CHD2: variants seen among roughly 807,000 people sequenced by gnomAD.
The protein encoded by CHD2 is ATP-dependent chromatin remodeler CHD2.
A neutral mutation model predicts 243.9 loss-of-function variants in CHD2; 28 were observed. The ratio of observed to expected loss-of-function variants is 0.11; its 90% CI spans 0.09 to 0.16. The LOEUF (loss-of-function observed/expected upper bound fraction) is 0.16. Among genes scored for constraint, CHD2 ranks in the 10% least tolerant of loss-of-function variants. The pLI, the probability that CHD2 is intolerant of heterozygous loss-of-function variation, is 1.00. For missense variants in CHD2, 1,386 were observed against 2,209.8 expected, an observed-to-expected ratio of 0.63 and a Z score of 7.47; for synonymous variants, 775 against 779.0, an observed-to-expected ratio of 0.99 and a Z score of 0.09.
At chr15:93,008,241 C>T (rs1317176547) in intron 34 of CHD2, among the ~76,000 whole-genome samples, 3 of 152,218 alleles carry the variant, frequency 2.0e-5, no homozygotes, top group African/African-American at 2.4e-5. Context: ...TGACTGTGCT[C>T]ATGTGCTCAG....
chr15:92,923,009 A>G (rs1247695420), intron 2 of CHD2, among the ~76,000 whole-genome samples: 1 of 152,188 alleles, frequency 6.6e-6, no homozygotes, highest in African/African-American at 2.4e-5. Flanking sequence ...TGTGGAGGCC[A>G]GTAGCCGTCT....
chr15:92,901,664 A>G (rs547844966), intron 2 of CHD2: 1 of 377,896 alleles, frequency 2.6e-6, no homozygotes, highest in African/African-American at 2.1e-5. Context: ...GCACCATTTT[A>G]CATACAAGGC....
At chr15:93,022,274 TG>T (rs2054543200) in intron 38 of CHD2, 1 of 152,218 alleles carries the variant, frequency 6.6e-6, no homozygotes, top group Non-Finnish European at 1.5e-5. Flanking sequence ...AGGCGTCCCA[TG>T]GCAAGAGAGG....
rs1341175773 is a variant in CHD2 at position 92,904,855 on chromosome 15, A to T, written c.62+3556A>T. The T allele has an allele frequency of 3.3e-6, 5 of 1,525,856 alleles. No homozygotes were observed. The African/African-American group carries it at 6.9e-5, about 21-fold the overall frequency. 94.5% of individuals were successfully genotyped at this position (1,525,856 alleles called of 1,614,324 possible). ...CAAAACGTTTGAGTGTCAGAGGCGGATACTTTTATTTTAGTGAAAACCTCT... is the reference window on the plus strand; with the variant it reads ...CAAAACGTTTGAGTGTCAGAGGCGGTTACTTTTATTTTAGTGAAAACCTCT... On this transcript the variant is annotated intron_variant, in intron 2 of 38. Transcript: ENST00000394196.
chr15:93,026,176 C>T lies in CHD2; in HGVS notation c.*1471C>T, dbSNP rs2054585437. Reference sequence around the variant, plus strand: ...CAGTATTGTTAAGAGTATCCAAAGGCCTTTCTAGATGGAGACAGAATAACT... The same window carrying T: ...CAGTATTGTTAAGAGTATCCAAAGGTCTTTCTAGATGGAGACAGAATAACT... On this transcript the variant is annotated 3_prime_UTR_variant, in exon 39 of 39. Transcript: ENST00000394196. 6.6e-6 allele frequency: 1 copy of T among 152,582 alleles called. No homozygotes were observed. Among genetic ancestry groups the T allele is most frequent in the Non-Finnish European group, 1.5e-5 (1 of 68,038 alleles). 9.5% of individuals were successfully genotyped at this position (152,582 alleles called of 1,614,324 possible). A position where few individuals can be genotyped will look rare whatever the true frequency, so the allele number is the denominator to read the frequency against.
chr15:92,993,908 G>A (rs934943961), intron 28 of CHD2, among the ~76,000 whole-genome samples: 4 of 152,120 alleles, frequency 2.6e-5, no homozygotes, highest in South Asian at 2.1e-4. Flanking sequence ...AGATCATGCC[G>A]CTGCAGTGAG....
intron 28 of CHD2, among the ~76,000 whole-genome samples, chr15:92,994,833 G>T (rs1394013140): frequency 6.6e-6 from 1 of 151,346 alleles, no homozygotes; most frequent in Non-Finnish European, 1.5e-5. Context: ...CCTTTTTTTT[G>T]TGCATGTCCA....
rs540411824 is a variant in CHD2 at position 93,000,378 on chromosome 15, C to G, written c.4009-134C>G. 15 of 934,982 alleles carry G rather than the reference C, an allele frequency of 1.6e-5. No individual in the cohort carries two copies. The East Asian group carries it at 3.8e-4, about 24-fold the overall frequency. The allele number at this position is 934,982 out of a possible 1,614,324, so 57.9% of individuals were successfully genotyped here. A position where few individuals can be genotyped will look rare whatever the true frequency, so the allele number is the denominator to read the frequency against. On this transcript the variant is annotated intron_variant, in intron 31 of 38. Transcript: ENST00000394196. ...GTCTTGTGAGGTAAAATGAGTTGCA[C>G]TCTTTTGATTTCTTTGGAATTTTCT...
intron 5 of CHD2, among the ~76,000 whole-genome samples, chr15:92,933,800 C>T (rs953517884): frequency 2.6e-5 from 4 of 152,112 alleles, no homozygotes; most frequent in African/African-American, 9.7e-5. Context: ...AAGGCTGGGT[C>T]TCACTCTGAT....
At chr15:92,972,442 T>G in intron 19 of CHD2, 25 bp downstream of exon 19, 2 of 1,563,372 alleles carry the variant, frequency 1.3e-6, no homozygotes, top group Non-Finnish European at 1.7e-6. Context: ...GTAATTGCTG[T>G]GGGGGGAATC....
intron 13 of CHD2, among the ~76,000 whole-genome samples, chr15:92,951,642 A>G (rs1469696131): frequency 4.6e-5 from 7 of 152,232 alleles, no homozygotes; most frequent in Non-Finnish European, 1.0e-4. Context: ...TATGTAGACA[A>G]TGGCATTTTC....
intron 13 of CHD2, 114 bp downstream of exon 13, chr15:92,949,190 A>G (rs2053518276): frequency 2.6e-6 from 4 of 1,540,584 alleles, no homozygotes; most frequent in East Asian, 4.6e-5. Flanking sequence ...CAACCAAGAA[A>G]TCTTTATGCT....
rs569707171 is a variant in CHD2 at position 93,009,673 on chromosome 15, T to C, written c.4592+350T>C. ...CCCATCTCAGGTTGATATCCAGATA[T>C]TCAGATATTACTGTATCTAATACAA... is the stretch of plus-strand genomic sequence containing the variant. On this transcript the variant is annotated intron_variant, in intron 35 of 38. Transcript: ENST00000394196. Among the ~76,000 whole-genome samples, 6 of 152,378 alleles carry C rather than the reference T, an allele frequency of 3.9e-5. No individual in the cohort carries two copies. In the South Asian group the frequency reaches 1.2e-3, roughly 32 times the overall value.
At chr15:92,988,487 A>G (rs2054073984) in intron 26 of CHD2, among the ~76,000 whole-genome samples, 1 of 152,076 alleles carries the variant, frequency 6.6e-6, no homozygotes, top group Non-Finnish European at 1.5e-5. Flanking sequence ...GGGTGCTCTT[A>G]TTTCTTCATG....
chr15:92,974,542 G>A (rs749320185), intron 19 of CHD2, among the ~76,000 whole-genome samples: 6 of 152,112 alleles, frequency 3.9e-5, no homozygotes, highest in Non-Finnish European at 7.4e-5. Flanking sequence ...CCTAATCTCT[G>A]CAGTACCTAC....
At chr15:93,007,990 G>A (rs2054343330) in intron 34 of CHD2, among the ~76,000 whole-genome samples, 1 of 152,188 alleles carries the variant, frequency 6.6e-6, no homozygotes, top group Non-Finnish European at 1.5e-5. Flanking sequence ...AGTGGAGGAC[G>A]AAACATGTGA....
chr15:92,955,543 T>G, intron 15 of CHD2, 31 bp downstream of exon 15: 1 of 1,416,424 alleles, frequency 7.1e-7, no homozygotes, highest in Non-Finnish European at 9.8e-7. Context: ...AGGCTAAATC[T>G]TTTCCAGTGC....
At chr15:93,005,929 A>G (rs1467522280) in intron 34 of CHD2, among the ~76,000 whole-genome samples, 1 of 152,212 alleles carries the variant, frequency 6.6e-6, no homozygotes, top group Non-Finnish European at 1.5e-5. Flanking sequence ...AAATGCTCTT[A>G]CAAATGACTC....
intron 28 of CHD2, among the ~76,000 whole-genome samples, chr15:92,994,729 G>T (rs1056310958): frequency 6.6e-6 from 1 of 152,160 alleles, no homozygotes; most frequent in Non-Finnish European, 1.5e-5. Context: ...CTTTTAAATG[G>T]TAGTACAGCA....
Sources: gnomAD v4.1 joint callset for allele counts (sites outside exome capture counted in the v4.1 genomes callset) on GRCh38, gnomAD v4.1.1 for gene constraint, MANE v1.5 for transcripts, NCBI Gene and HGNC (gene_info 2026-07-23, HGNC 2026-07-21) for gene names.